ULK4: variants seen among roughly 807,000 people sequenced by gnomAD.
ULK4 encodes unc-51 like kinase 4, also known as inactive serine/threonine-protein kinase ULK4.
In ULK4, 133 loss-of-function variants were observed where a neutral mutation model predicts 160.6. The observed-to-expected ratio is 0.83, with a 90% CI of 0.72 to 0.96. ULK4 has a LOEUF of 0.96. Ranked by LOEUF, ULK4 falls within the 40% of genes least tolerant of loss-of-function variation. The pLI is 0.00. For missense variants in ULK4, 1,580 were observed against 1,499.5 expected (o/e 1.05, Z -0.89); for synonymous variants, 534 against 539.8 (o/e 0.99, Z 0.15).
At position 41,715,901 on chromosome 3, in the gene ULK4, A is replaced by G. The variant is rs1281249124; in HGVS notation, c.2456-333T>C. Among the ~76,000 whole-genome samples the G allele has an allele frequency of 2.6e-5, 4 of 152,008 alleles. No homozygotes were observed. The East Asian group carries it at 7.7e-4, about 29-fold the overall frequency. On this transcript the variant is annotated intron_variant, in intron 23 of 36. Coordinates refer to ENST00000301831, the MANE Select transcript of ULK4 (RefSeq NM_017886.4). ...AATCATGAGCACTTGTTGCTTTTGCAAACAAGAAAAAATATTTAAAATAAT... is the reference window on the plus strand; with the variant it reads ...AATCATGAGCACTTGTTGCTTTTGCGAACAAGAAAAAATATTTAAAATAAT...
intron 21 of ULK4, among the ~76,000 whole-genome samples, chr3:41,767,889 A>G (rs916691404): frequency 2.0e-5 from 3 of 152,198 alleles, no homozygotes; most frequent in Admixed American, 2.0e-4. Flanking sequence ...TATGTACAAG[A>G]ATACTCACAG....
chr3:41,786,195 T>C (rs376055507), intron 21 of ULK4, among the ~76,000 whole-genome samples: 1 of 152,204 alleles, frequency 6.6e-6, no homozygotes, highest in Admixed American at 6.5e-5. Context: ...GCCCCTCCTG[T>C]TAGGGCATAA....
intron 5 of ULK4, 172 bp downstream of exon 5, chr3:41,931,672 C>T (rs1306317806): frequency 1.3e-6 from 1 of 763,056 alleles, no homozygotes; most frequent in African/African-American, 1.7e-5. Context: ...ACATTGAATA[C>T]TTTAGGCCAT....
At position 41,571,631 on chromosome 3, in the gene ULK4, T is replaced by C. The variant is rs368150869; in HGVS notation, c.3121-5501A>G. Among the ~76,000 whole-genome samples, 76 of 152,280 alleles carry C rather than the reference T, an allele frequency of 5.0e-4. 2 individuals carry two copies. In the South Asian group the frequency reaches 0.014, roughly 29 times the overall value. On this transcript the variant is annotated intron_variant, in intron 31 of 36. Coordinates refer to ENST00000301831, the MANE Select transcript of ULK4 (RefSeq NM_017886.4). ...TGGTGGAAAGAGACAAGGGCACGCA[T>C]GTTTCGTTCAAAGACCACAGGTCAG... is the stretch of plus-strand genomic sequence containing the variant.
At chr3:41,390,422 T>C (rs929060150) in intron 35 of ULK4, among the ~76,000 whole-genome samples, 6 of 152,190 alleles carry the variant, frequency 3.9e-5, no homozygotes, top group African/African-American at 1.4e-4. Flanking sequence ...TCGAATGTGT[T>C]TGCTCTTGCT....
chr3:41,833,296 T>G (rs77948279), intron 18 of ULK4, among the ~76,000 whole-genome samples: 3 of 146,290 alleles, frequency 2.1e-5, no homozygotes, highest in Admixed American at 1.4e-4. Flanking sequence ...GTTTTTTTTT[T>G]TTTTGTTTGT....
At chr3:41,661,487 A>C (rs2035159859) in intron 30 of ULK4, among the ~76,000 whole-genome samples, 1 of 136,146 alleles carries the variant, frequency 7.3e-6, no homozygotes, top group South Asian at 2.1e-4. Flanking sequence ...ATAGGCAGGC[A>C]GATAGACAGA....
intron 2 of ULK4, among the ~76,000 whole-genome samples, chr3:41,943,416 C>T (rs76521007): frequency 0.013 from 1,913 of 152,182 alleles, 38 homozygotes; most frequent in African/African-American, 0.044. Context: ...ACCATATACA[C>T]GCACTTTCCA....
intron 21 of ULK4, among the ~76,000 whole-genome samples, chr3:41,773,902 C>T (rs2039504047): frequency 1.3e-5 from 2 of 152,140 alleles, no homozygotes; most frequent in South Asian, 2.1e-4. Flanking sequence ...GAACAGAGCC[C>T]TCAGAAATAA....
intron 32 of ULK4, among the ~76,000 whole-genome samples, chr3:41,519,483 C>G (rs973134798): frequency 6.6e-6 from 1 of 152,182 alleles, no homozygotes; most frequent in African/African-American, 2.4e-5. Context: ...TAAACTCAAC[C>G]TTCTTCCTCA....
chr3:41,303,646 A>G (rs1285036932), intron 35 of ULK4, among the ~76,000 whole-genome samples: 1 of 152,150 alleles, frequency 6.6e-6, no homozygotes, highest in Admixed American at 6.5e-5. Flanking sequence ...TGTGCCAGGG[A>G]GTAGTGATGA....
At chr3:41,555,718 A>G (rs2643982) in intron 32 of ULK4, among the ~76,000 whole-genome samples, 77,659 of 152,058 alleles carry the variant, frequency 0.51, 19,946 homozygotes, top group Middle Eastern at 0.57. Context: ...ACACATGCAC[A>G]CTATGTTTAC....
chr3:41,694,655 A>G (rs1432128682), intron 27 of ULK4, among the ~76,000 whole-genome samples: 1 of 152,194 alleles, frequency 6.6e-6, no homozygotes, highest in African/African-American at 2.4e-5. Flanking sequence ...TAGCATTAGT[A>G]TTTGCATATA....
intron 35 of ULK4, among the ~76,000 whole-genome samples, chr3:41,266,627 A>G (rs1170546950): frequency 1.3e-5 from 2 of 152,216 alleles, no homozygotes; most frequent in East Asian, 3.8e-4. Flanking sequence ...TTGGAAGCCT[A>G]AGAAGATTAT....
At chr3:41,284,538 C>A (rs2079423057) in intron 35 of ULK4, among the ~76,000 whole-genome samples, 1 of 152,234 alleles carries the variant, frequency 6.6e-6, no homozygotes, top group South Asian at 2.1e-4. Context: ...AACTGGCTAG[C>A]TACAGGTAAG....
At chr3:41,278,652 CAAAAAG>C (rs2079279340) in intron 35 of ULK4, among the ~76,000 whole-genome samples, 1 of 152,054 alleles carries the variant, frequency 6.6e-6, no homozygotes, top group African/African-American at 2.4e-5. Flanking sequence ...GATACCCAGG[CAAAAAG>C]GGTCTGGAGT....
chr3:41,832,688 C>A (rs922738928), intron 18 of ULK4, among the ~76,000 whole-genome samples: 14 of 152,134 alleles, frequency 9.2e-5, no homozygotes, highest in Admixed American at 7.9e-4. Context: ...ACATTTAAGT[C>A]TTTAATCCAT....
chr3:41,551,706 A>AT (rs1277301048), intron 32 of ULK4, among the ~76,000 whole-genome samples: 1 of 152,000 alleles, frequency 6.6e-6, no homozygotes, highest in Non-Finnish European at 1.5e-5. Flanking sequence ...AGAAGAATTA[A>AT]TACCAATTCT....
chr3:41,949,786 G>T (rs1030850705), intron 2 of ULK4, among the ~76,000 whole-genome samples: 12 of 150,938 alleles, frequency 8.0e-5, no homozygotes, highest in Non-Finnish European at 1.8e-4. Context: ...GCCCAGGCGG[G>T]AGTGCAGTGG....
Sources: allele counts gnomAD v4.1 joint callset (sites outside exome capture counted in the v4.1 genomes callset), GRCh38; gene constraint gnomAD v4.1.1; transcripts MANE v1.5; gene names NCBI Gene and HGNC (gene_info 2026-07-23, HGNC 2026-07-21).